Variants in TUT4 observed in about 807,000 individuals in gnomAD.
TUT4 encodes the protein terminal uridylyl transferase 4, also known as terminal uridylyltransferase 4.
In TUT4, 36 loss-of-function variants were observed where a neutral mutation model predicts 192.2. The observed-to-expected ratio is 0.19, with a 90% confidence interval of 0.14 to 0.25. The LOEUF (loss-of-function observed/expected upper bound fraction) is 0.25, where lower values mean the gene tolerates loss of function less well. Ranked by LOEUF, TUT4 falls within the 10% of genes least tolerant of loss-of-function variation. TUT4 has a pLI of 1.00. For missense variants in TUT4, 1,493 were observed against 1,957.2 expected, an observed-to-expected ratio of 0.76 and a Z score of 4.47; for synonymous variants, 618 against 666.0, an observed-to-expected ratio of 0.93 and a Z score of 1.11.
chr1:52,425,344 G>A lies in TUT4; in HGVS notation c.4870+5C>T, dbSNP rs1231926563. 1 of 1,613,118 alleles carries A rather than the reference G, an allele frequency of 6.2e-7. No homozygotes were observed. Among genetic ancestry groups the A allele is most frequent in the Non-Finnish European group, 8.5e-7 (1 of 1,179,456 alleles). On this transcript the variant is annotated splice_donor_5th_base_variant and intron_variant, in intron 29 of 29. Transcript: ENST00000257177. The stretch of plus-strand genomic sequence containing the variant: ...GCCTGTTAACTAATTTGTAAGCAGT[G>A]GTACCTTGAGTATAGAAAGGTTTGT...
intron 24 of TUT4, among the ~76,000 whole-genome samples, chr1:52,441,779 C>T (rs1655667999): frequency 6.6e-6 from 1 of 151,972 alleles, no homozygotes; most frequent in Admixed American, 6.6e-5. Flanking sequence ...TAGTGTACAG[C>T]TACCCAAGGA....
chr1:52,536,574 C>G (rs887911770), intron 1 of TUT4, among the ~76,000 whole-genome samples: 21 of 152,132 alleles, frequency 1.4e-4, no homozygotes, highest in Admixed American at 1.3e-3. Flanking sequence ...AGAGATTGGC[C>G]AGGCGTGGTG....
chr1:52,538,962 T>A (rs1488615327), intron 1 of TUT4, among the ~76,000 whole-genome samples: 1 of 152,132 alleles, frequency 6.6e-6, no homozygotes, highest in Admixed American at 6.6e-5. Context: ...CCCAAAGGAA[T>A]CCCGGAATTA....
intron 28 of TUT4, among the ~76,000 whole-genome samples, chr1:52,429,084 T>G (rs1051597069): frequency 1.5e-4 from 21 of 142,304 alleles, no homozygotes; most frequent in Admixed American, 1.2e-3. Context: ...CATAATAGGT[T>G]TTTTTTTTTT....
chr1:52,478,384 T>C (rs1027834049), intron 11 of TUT4, among the ~76,000 whole-genome samples: 1 of 152,238 alleles, frequency 6.6e-6, no homozygotes, highest in Non-Finnish European at 1.5e-5. Context: ...AGCAAACATT[T>C]CTTTAGAACC....
intron 13 of TUT4, among the ~76,000 whole-genome samples, chr1:52,472,972 A>C (rs761523899): frequency 6.6e-6 from 1 of 152,210 alleles, no homozygotes. Context: ...GCTAATTAAC[A>C]GTACTACAAG....
chr1:52,463,581 G>A (rs1368647527), intron 16 of TUT4: 2 of 1,260,564 alleles, frequency 1.6e-6, no homozygotes, highest in South Asian at 1.4e-5. Flanking sequence ...GCCAGAAGCT[G>A]GGCCTCACCC....
intron 9 of TUT4, 51 bp downstream of exon 9, chr1:52,488,858 T>C: frequency 5.2e-6 from 8 of 1,552,010 alleles, no homozygotes; most frequent in Non-Finnish European, 6.9e-6. Flanking sequence ...GAAGATTAAA[T>C]ACATTTCCTT....
At chr1:52,541,531 CAA>C (rs1162990214) in intron 1 of TUT4, among the ~76,000 whole-genome samples, 4 of 101,496 alleles carry the variant, frequency 3.9e-5, no homozygotes, top group Admixed American at 1.1e-4. Context: ...GACTCCGTCT[CAA>C]AAAAAAAAAA....
intron 24 of TUT4, among the ~76,000 whole-genome samples, chr1:52,442,787 G>C (rs538658097): frequency 6.6e-6 from 1 of 152,254 alleles, no homozygotes; most frequent in South Asian, 2.1e-4. Flanking sequence ...ACTGACTTTT[G>C]AAAGAGAATA....
At chr1:52,510,832 A>C (rs2149317103) in intron 3 of TUT4, among the ~76,000 whole-genome samples, 1 of 152,360 alleles carries the variant, frequency 6.6e-6, no homozygotes. Context: ...GCAAGTATTA[A>C]GTGGAAGACA....
Position 52,526,377 on chromosome 1 carries a change from T to C in TUT4, c.-93-4A>G, listed in dbSNP as rs1367743631. 14 of 1,114,734 alleles carry C rather than the reference T, an allele frequency of 1.3e-5. No individual in the cohort carries two copies. The highest frequency in any genetic ancestry group is 7.6e-5 in the South Asian group (2 of 26,190). 69.1% of individuals were successfully genotyped at this position (1,114,734 alleles called of 1,614,324 possible). A position where few individuals can be genotyped will look rare whatever the true frequency, so the allele number is the denominator to read the frequency against. On this transcript the variant is annotated splice_polypyrimidine_tract_variant and splice_region_variant and intron_variant, in intron 1 of 29. Transcript: ENST00000257177. ...AAGTCCAGTTTAGGCAAGCAAACTATTGGGTTAAAAAAAAGAGAAAAATCT... is the reference window on the plus strand; with the variant it reads ...AAGTCCAGTTTAGGCAAGCAAACTACTGGGTTAAAAAAAAGAGAAAAATCT...
At chr1:52,447,348 C>G (rs1427877656) in intron 20 of TUT4, among the ~76,000 whole-genome samples, 2 of 151,572 alleles carry the variant, frequency 1.3e-5, no homozygotes, top group East Asian at 3.9e-4. Flanking sequence ...ACTCGGGAGG[C>G]TGAGGCAGGA....
At chr1:52,536,519 G>A (rs1684940276) in intron 1 of TUT4, among the ~76,000 whole-genome samples, 1 of 152,182 alleles carries the variant, frequency 6.6e-6, no homozygotes, top group Non-Finnish European at 1.5e-5. Flanking sequence ...ATCCTTACCA[G>A]TAATTACTTT....
At chr1:52,510,636 A>G (rs1399645672) in intron 3 of TUT4, among the ~76,000 whole-genome samples, 1 of 152,240 alleles carries the variant, frequency 6.6e-6, no homozygotes, top group Non-Finnish European at 1.5e-5. Flanking sequence ...TCGTGTATGT[A>G]TTCTCAAAAT....
At position 52,437,039 on chromosome 1, in the gene TUT4, G is replaced by A. The variant is rs1050676319; in HGVS notation, c.3939-61C>T. 1.5e-5 allele frequency: 23 copies of A among 1,570,632 alleles called. No individual in the cohort carries two copies. In the East Asian group the frequency reaches 4.5e-4, roughly 31 times the overall value. ...TTAAGTGAGTCACAGAACAAACTAT[G>A]CAGGACTCTCACAATAACAAAAGGA... On this transcript the variant is annotated intron_variant, in intron 25 of 29. Transcript: ENST00000257177.
chr1:52,516,152 T>G, intron 2 of TUT4, 98 bp from the exon 3 acceptor site: 4 of 944,114 alleles, frequency 4.2e-6, no homozygotes, highest in Non-Finnish European at 6.3e-6. Flanking sequence ...AGAAAAAATA[T>G]TATTTCCTTA....
intron 6 of TUT4, among the ~76,000 whole-genome samples, chr1:52,495,217 C>A (rs1206478597): frequency 6.6e-6 from 1 of 152,114 alleles, no homozygotes; most frequent in African/African-American, 2.4e-5. Flanking sequence ...CAGCTTTCCT[C>A]TTCTGCTTCC....
rs537050755 is a variant in TUT4 at position 52,455,467 on chromosome 1, G to A, written c.3435+2869C>T. On this transcript the variant is annotated intron_variant, in intron 20 of 29. Transcript: ENST00000257177. ...TACTAAATATATAAAAAATTAGCTG[G>A]GCTTGGTGGTGTGCACCCGTAGTCC... 7.0e-3 allele frequency among the ~76,000 whole-genome samples: 1,055 copies of A among 151,686 alleles called. 11 individuals carry two copies. The highest frequency in any genetic ancestry group is 0.024 in the African/African-American group (976 of 41,364).
Sources: allele counts gnomAD v4.1 joint callset (sites outside exome capture counted in the v4.1 genomes callset), GRCh38; gene constraint gnomAD v4.1.1; transcripts MANE v1.5; gene names NCBI Gene and HGNC (gene_info 2026-07-23, HGNC 2026-07-21).